PBX3: variants seen among roughly 807,000 people sequenced by gnomAD.
The protein encoded by PBX3 is pre-B-cell leukemia transcription factor 3.
A neutral mutation model predicts 48.5 loss-of-function variants in PBX3; 14 were observed. The ratio of observed to expected loss-of-function variants is 0.29; its 90% CI spans 0.19 to 0.45. The LOEUF (loss-of-function observed/expected upper bound fraction) is 0.45. PBX3 is among the 20% of genes least tolerant of loss of function. The probability of loss-of-function intolerance (pLI) is 1.00; values close to 1 mark genes in which losing one functional copy is unlikely to be tolerated. For missense variants in PBX3, 386 were observed against 546.7 expected (o/e 0.71, Z 2.93); for synonymous variants, 210 against 200.3 (o/e 1.05, Z -0.41).
chr9:125,923,438 T>C (rs1028082022), intron 3 of PBX3, among the ~76,000 whole-genome samples: 1 of 152,244 alleles, frequency 6.6e-6, no homozygotes, highest in Non-Finnish European at 1.5e-5. Context: ...TTCAAACTTT[T>C]CAGTCTTAGG....
intron 2 of PBX3, among the ~76,000 whole-genome samples, chr9:125,835,015 C>CAAAAAAAAAAAA (rs745638368): frequency 7.9e-5 from 2 of 25,170 alleles, no homozygotes; most frequent in Non-Finnish European, 1.4e-4. Flanking sequence ...AACTCTGTCT[C>CAAAAAAAAAAAA]AAAAAAAAAA....
chr9:125,879,376 C>T (rs952970052), intron 2 of PBX3, among the ~76,000 whole-genome samples: 11 of 151,806 alleles, frequency 7.2e-5, no homozygotes, highest in Admixed American at 3.3e-4. Flanking sequence ...CCACCGTGCC[C>T]GGCCAAAGAC....
rs781544459 is a variant in PBX3, at chr9:125,825,485, CTT to C, written c.274+76875_274+76876del. ...AAATTAGATGATTGATATTGTTTTA[CTT>C]TTTTTTTTTTTTAACAAATTCTTTA... On this transcript the variant is annotated intron_variant, in intron 2 of 8. Transcript: ENST00000373489. Among the ~76,000 whole-genome samples the C allele has an allele frequency of 1.6e-4, 23 of 140,978 alleles. 1 individual carries two copies. Among genetic ancestry groups the C allele is most frequent in the African/African-American group, 5.4e-4 (21 of 39,056 alleles). 92.5% of individuals were successfully genotyped at this position (140,978 alleles called of 152,430 possible).
chr9:125,805,215 C>G (rs973545392), intron 2 of PBX3, among the ~76,000 whole-genome samples: 1 of 150,994 alleles, frequency 6.6e-6, no homozygotes, highest in Non-Finnish European at 1.5e-5. Context: ...GAGGGACTGC[C>G]AAGTGCACAG....
At chr9:125,958,427 G>T (rs1241229537) in intron 5 of PBX3, among the ~76,000 whole-genome samples, 1 of 152,228 alleles carries the variant, frequency 6.6e-6, no homozygotes, top group Non-Finnish European at 1.5e-5. Context: ...AAGGCTAATA[G>T]TAGGATGGAG....
intron 2 of PBX3, among the ~76,000 whole-genome samples, chr9:125,780,769 G>T (rs7859239): frequency 1.5e-5 from 2 of 137,858 alleles, no homozygotes; most frequent in African/African-American, 6.1e-5. Flanking sequence ...TGGCCGGGCG[G>T]GGGGCTGACC....
In PBX3 at chr9:125,850,214, A is replaced by C. The variant is rs898483896; in HGVS notation, c.275-65472A>C. 7.2e-5 allele frequency among the ~76,000 whole-genome samples: 11 copies of C among 151,956 alleles called. No homozygotes were observed. The South Asian group carries it at 2.3e-3, about 32-fold the overall frequency. ...TAGAGTGAAAATGCCTTGTTCTTTTAATTTTTGTTCTTATACCATCTATTT... is the reference window on the plus strand; with the variant it reads ...TAGAGTGAAAATGCCTTGTTCTTTTCATTTTTGTTCTTATACCATCTATTT... On this transcript the variant is annotated intron_variant, in intron 2 of 8. Transcript: ENST00000373489.
intron 4 of PBX3, 146 bp from the exon 5 acceptor site, chr9:125,935,326 A>G (rs1588313766): frequency 1.5e-6 from 1 of 666,632 alleles, no homozygotes; most frequent in Non-Finnish European, 2.5e-6. Context: ...TGTCTAGAAC[A>G]TAACGTATAA....
At chr9:125,924,518 A>G (rs1841527888) in intron 3 of PBX3, among the ~76,000 whole-genome samples, 1 of 152,196 alleles carries the variant, frequency 6.6e-6, no homozygotes, top group Non-Finnish European at 1.5e-5. Flanking sequence ...GAAGCCTGAA[A>G]CCGTGTCAGT....
intron 1 of PBX3, chr9:125,748,083 G>T (rs1026703185): frequency 1.1e-5 from 3 of 264,844 alleles, no homozygotes; most frequent in East Asian, 1.8e-4. Flanking sequence ...GGCGCGGGGC[G>T]ATGGGCGGTT....
chr9:125,756,406 C>G (rs933233532), intron 2 of PBX3, among the ~76,000 whole-genome samples: 6 of 152,078 alleles, frequency 3.9e-5, no homozygotes, highest in Non-Finnish European at 5.9e-5. Flanking sequence ...GAAGACAGAC[C>G]TTCTGTGCCT....
At chr9:125,785,938 A>C (rs767827044) in intron 2 of PBX3, among the ~76,000 whole-genome samples, 2 of 148,758 alleles carry the variant, frequency 1.3e-5, no homozygotes, top group African/African-American at 5.0e-5. Context: ...GACTGTTTAA[A>C]GTCGCTTTTT....
chr9:125,865,196 G>A (rs1839950825), intron 2 of PBX3: 1 of 168,532 alleles, frequency 5.9e-6, no homozygotes, highest in African/African-American at 2.4e-5. Flanking sequence ...ATAATTGTGA[G>A]GAAAAATGAT....
At chr9:125,878,072 T>G (rs1333135686) in intron 2 of PBX3, among the ~76,000 whole-genome samples, 1 of 152,244 alleles carries the variant, frequency 6.6e-6, no homozygotes, top group African/African-American at 2.4e-5. Flanking sequence ...ATAGTACTCT[T>G]TACTGATTTT....
chr9:125,958,879 G>C (rs893202585), intron 5 of PBX3, among the ~76,000 whole-genome samples: 1 of 152,208 alleles, frequency 6.6e-6, no homozygotes, highest in Non-Finnish European at 1.5e-5. Flanking sequence ...AAAACTCACT[G>C]TCTTCCTCTC....
chr9:125,959,762 G>A (rs981097011), intron 5 of PBX3, among the ~76,000 whole-genome samples: 1 of 152,188 alleles, frequency 6.6e-6, no homozygotes, highest in Non-Finnish European at 1.5e-5. Context: ...TTATTGAAAA[G>A]TATTTTTAAA....
chr9:125,826,303 T>A (rs773921694), intron 2 of PBX3, among the ~76,000 whole-genome samples: 2 of 152,224 alleles, frequency 1.3e-5, no homozygotes, highest in African/African-American at 2.4e-5. Context: ...ACTATTCTCA[T>A]ATCTTGATTA....
intron 5 of PBX3, among the ~76,000 whole-genome samples, chr9:125,936,833 T>C (rs1841846793): frequency 6.6e-6 from 1 of 152,154 alleles, no homozygotes; most frequent in Admixed American, 6.5e-5. Context: ...AGACATATAT[T>C]ATATAAAACA....
At chr9:125,773,760 G>T (rs767409038) in intron 2 of PBX3, among the ~76,000 whole-genome samples, 5 of 152,092 alleles carry the variant, frequency 3.3e-5, no homozygotes, top group Non-Finnish European at 7.3e-5. Flanking sequence ...AGATAATGTT[G>T]AATTATTTTC....
Sources: allele counts gnomAD v4.1 joint callset (sites outside exome capture counted in the v4.1 genomes callset), GRCh38; gene constraint gnomAD v4.1.1; transcripts MANE v1.5; gene names NCBI Gene and HGNC (gene_info 2026-07-23, HGNC 2026-07-21).